The following NEK1 variants were observed in gnomAD, a reference collection of about 807,000 sequenced individuals.
The protein encoded by NEK1 is serine/threonine-protein kinase Nek1.
NEK1 carries 137 observed loss-of-function variants against 182.1 expected under a neutral mutation model. The ratio of observed to expected loss-of-function variants is 0.75; its 90% confidence interval spans 0.65 to 0.87. NEK1 has a LOEUF of 0.87. Among genes scored for constraint, NEK1 ranks in the 40% least tolerant of loss-of-function variants. NEK1 has a pLI of 0.00. For synonymous variants in NEK1, 513 were observed against 492.2 expected, an observed-to-expected ratio of 1.04 and a Z score of -0.56; for missense variants, 1,391 against 1,494.4, an observed-to-expected ratio of 0.93 and a Z score of 1.14.
intron 27 of NEK1, among the ~76,000 whole-genome samples, chr4:169,446,567 G>A (rs940390304): frequency 1.3e-5 from 2 of 151,822 alleles, no homozygotes; most frequent in Non-Finnish European, 2.9e-5. Context: ...ACTAAATAAG[G>A]TACCAGACAC....
intron 2 of NEK1, among the ~76,000 whole-genome samples, chr4:169,607,230 CAG>C (rs1771502632): frequency 6.6e-6 from 1 of 152,204 alleles, no homozygotes; most frequent in South Asian, 2.1e-4. Context: ...ATACATGTTT[CAG>C]AGTCTCTAAG....
At chr4:169,405,828 G>A (rs1363299323) in intron 32 of NEK1, among the ~76,000 whole-genome samples, 1 of 152,162 alleles carries the variant, frequency 6.6e-6, no homozygotes, top group East Asian at 1.9e-4. Context: ...TTTTGGCTAG[G>A]TGTGGTAGCT....
chr4:169,598,889 TAAC>T (rs879447299), intron 5 of NEK1, among the ~76,000 whole-genome samples: 2 of 152,112 alleles, frequency 1.3e-5, no homozygotes, highest in Non-Finnish European at 2.9e-5. Context: ...ATCACAGAGA[TAAC>T]AATATATCAT....
At chr4:169,539,885 A>G (rs895111821) in intron 18 of NEK1, among the ~76,000 whole-genome samples, 3 of 152,106 alleles carry the variant, frequency 2.0e-5, no homozygotes, top group Admixed American at 6.6e-5. Flanking sequence ...CCATCTTAAG[A>G]TGCTTTCTGT....
intron 5 of NEK1, among the ~76,000 whole-genome samples, chr4:169,591,456 G>A (rs2150096894): frequency 6.6e-6 from 1 of 152,090 alleles, no homozygotes; most frequent in South Asian, 2.1e-4. Flanking sequence ...ACAGGTACAA[G>A]CCACTGCATC....
rs891755385 is a variant in NEK1, at chr4:169,564,096, G to A, written c.1021-1900C>T. ...TTTTGTAATCAAGGTTAAGCCTAAT[G>A]TATGATCAATTTTTCAAACAATTCT... On this transcript the variant is annotated intron_variant, in intron 12 of 35. Transcript: ENST00000507142. 1.8e-4 allele frequency among the ~76,000 whole-genome samples: 27 copies of A among 152,004 alleles called. 1 individual carries two copies. Among genetic ancestry groups the A allele is most frequent in the Non-Finnish European group, 1.0e-4 (7 of 67,976 alleles).
intron 26 of NEK1, among the ~76,000 whole-genome samples, chr4:169,466,954 A>G (rs528972529): frequency 1.1e-4 from 16 of 152,184 alleles, no homozygotes; most frequent in African/African-American, 3.6e-4. Context: ...TCACTTATAA[A>G]CAAATTTTCT....
intron 18 of NEK1, among the ~76,000 whole-genome samples, chr4:169,538,845 T>C (rs1165725784): frequency 1.3e-5 from 2 of 152,168 alleles, no homozygotes; most frequent in African/African-American, 4.8e-5. Context: ...CTAGTAAGAT[T>C]TGAGCACTTC....
At chr4:169,577,100 A>C in intron 11 of NEK1, 21 bp from the exon 12 acceptor site, 1 of 1,612,504 alleles carries the variant, frequency 6.2e-7, no homozygotes, top group Non-Finnish European at 8.5e-7. Flanking sequence ...AGATACAAAG[A>C]ATTTTGTCTG....
At chr4:169,429,487 G>A (rs1737021137) in intron 29 of NEK1, among the ~76,000 whole-genome samples, 1 of 152,088 alleles carries the variant, frequency 6.6e-6, no homozygotes, top group African/African-American at 2.4e-5. Context: ...AAGAACCATA[G>A]TCCCAATCCC....
chr4:169,481,905 TC>T (rs1748104242), intron 23 of NEK1, among the ~76,000 whole-genome samples: 1 of 152,166 alleles, frequency 6.6e-6, no homozygotes, highest in South Asian at 2.1e-4. Flanking sequence ...GTTATGAGAG[TC>T]CTAGATGGCA....
At chr4:169,439,177 C>A (rs1466689514) in intron 27 of NEK1, among the ~76,000 whole-genome samples, 2 of 152,170 alleles carry the variant, frequency 1.3e-5, no homozygotes, top group African/African-American at 4.8e-5. Flanking sequence ...AAATTCAATT[C>A]TCTGCCTACT....
intron 31 of NEK1, among the ~76,000 whole-genome samples, chr4:169,407,103 A>T (rs978609810): frequency 3.9e-5 from 6 of 152,140 alleles, no homozygotes; most frequent in Admixed American, 1.3e-4. Context: ...TAAACATGGA[A>T]TGGACTTGGA....
chr4:169,508,909 T>C (rs1223262125), intron 19 of NEK1, 57 bp from the exon 20 acceptor site: 1 of 1,342,970 alleles, frequency 7.4e-7, no homozygotes, highest in Non-Finnish European at 1.0e-6. Flanking sequence ...ATTATTATCT[T>C]ACCAAGGAAT....
In NEK1 at chr4:169,603,418, G is replaced by C. The variant is rs545104413; in HGVS notation, c.-48-740C>G. On this transcript the variant is annotated intron_variant, in intron 2 of 35. Transcript: ENST00000507142. ...AGAACACTAAAAAGTTTAAATCTTA[G>C]CTTTATCACTTATTTGTTATGTAAA... Among the ~76,000 whole-genome samples, 286 of 152,242 alleles carry C rather than the reference G, an allele frequency of 1.9e-3. 1 individual carries two copies. Among genetic ancestry groups the C allele is most frequent in the Middle Eastern group, 3.4e-3 (1 of 294 alleles).
intron 27 of NEK1, among the ~76,000 whole-genome samples, chr4:169,443,942 C>A (rs1333555255): frequency 6.6e-6 from 1 of 152,072 alleles, no homozygotes; most frequent in Non-Finnish European, 1.5e-5. Context: ...GAATACTATA[C>A]CCACCAAAGC....
At position 169,561,886 on chromosome 4, in the gene NEK1, T is replaced by C. The variant is rs1385640091; in HGVS notation, c.1086A>G (p.Ala362=). The change falls in exon 14 of 36, where the codon GCA becomes GCG. Residue 362 remains alanine (A), a synonymous_variant. Transcript: ENST00000507142. ...GEERRKISEE[A]ARKRRLEFIE... ...TAAATTCCAGCCTTCTCTTTCTTGC[T>C]GCTTCCTTAAATAAAAAAAAGAACA... 2 of 1,601,456 alleles carry C rather than the reference T, an allele frequency of 1.2e-6. No individual in the cohort carries two copies. Among genetic ancestry groups the C allele is most frequent in the Non-Finnish European group, 1.7e-6 (2 of 1,175,626 alleles).
At chr4:169,500,949 A>G (rs988119698) in intron 23 of NEK1, among the ~76,000 whole-genome samples, 2 of 152,160 alleles carry the variant, frequency 1.3e-5, no homozygotes, top group Non-Finnish European at 2.9e-5. Flanking sequence ...CTTCACTACA[A>G]ACACAGAATG....
At chr4:169,547,504 A>C (rs1760706984) in intron 18 of NEK1, among the ~76,000 whole-genome samples, 2 of 151,986 alleles carry the variant, frequency 1.3e-5, no homozygotes, top group South Asian at 4.2e-4. Flanking sequence ...TACTTCCTGA[A>C]TTTGAATGCT....
Sources: allele counts gnomAD v4.1 joint callset (sites outside exome capture counted in the v4.1 genomes callset), GRCh38; gene constraint gnomAD v4.1.1; transcripts MANE v1.5; gene names NCBI Gene and HGNC (gene_info 2026-07-23, HGNC 2026-07-21).